ARHGAP42: variants seen among roughly 807,000 people sequenced by gnomAD.
ARHGAP42 encodes Rho GTPase activating protein 42.
A neutral mutation model predicts 125.0 loss-of-function variants in ARHGAP42; 63 were observed. The ratio of observed to expected loss-of-function variants is 0.50; its 90% CI spans 0.41 to 0.62. The LOEUF is 0.62. Among genes scored for constraint, ARHGAP42 ranks in the 20% least tolerant of loss-of-function variants. The pLI is 0.00. For missense variants in ARHGAP42, 766 were observed against 1,024.2 expected, an observed-to-expected ratio of 0.75 and a Z score of 3.44; for synonymous variants, 339 against 351.0, an observed-to-expected ratio of 0.97 and a Z score of 0.38.
intron 3 of ARHGAP42, among the ~76,000 whole-genome samples, chr11:100,815,414 A>G (rs142815605): frequency 1.2e-4 from 18 of 152,334 alleles, no homozygotes; most frequent in Non-Finnish European, 2.9e-5. Context: ...GTCTACATGC[A>G]TGGAATTTTG....
intron 4 of ARHGAP42, among the ~76,000 whole-genome samples, chr11:100,866,573 G>T (rs570880500): frequency 3.9e-5 from 6 of 152,130 alleles, no homozygotes; most frequent in Non-Finnish European, 8.8e-5. Context: ...GGTTGTGGAG[G>T]CCTCAGGAAA....
chr11:100,707,412 T>C (rs1382985585), intron 1 of ARHGAP42, among the ~76,000 whole-genome samples: 1 of 152,236 alleles, frequency 6.6e-6, no homozygotes, highest in Non-Finnish European at 1.5e-5. Flanking sequence ...TAATTATTTT[T>C]CGTAACAAAT....
chr11:100,687,762 G>A lies in ARHGAP42; in HGVS notation c.84G>A (p.Glu28=), dbSNP rs1861109882. ...AGCGCTTGCAGTGTCACGAGATTGA[G>A]CTGGAGCGAACCAACAAGTTCATCA... ...FRERLQCHEI[E]LERTNKFIKE... is the part of the protein sequence containing the mutation. Residue 28 remains glutamate (E), a synonymous_variant, in exon 1 of 24, where the codon GAG becomes GAA. Coordinates refer to ENST00000298815, the MANE Select transcript of ARHGAP42 (RefSeq NM_152432.4). 5.2e-6 allele frequency: 8 copies of A among 1,551,092 alleles called. No individual in the cohort carries two copies. The highest frequency in any genetic ancestry group is 1.2e-5 in the South Asian group (1 of 84,000).
Position 100,895,029 on chromosome 11 carries a change from A to G in ARHGAP42, c.385-18423A>G, listed in dbSNP as rs1420255343. ...CATAAAAATAACTGTTTGTGCTTTA[A>G]GTAACCAAATTCTTACCTATACTCC... On this transcript the variant is annotated intron_variant, in intron 4 of 23. Coordinates refer to ENST00000298815, the MANE Select transcript of ARHGAP42 (RefSeq NM_152432.4). Among the ~76,000 whole-genome samples the G allele has an allele frequency of 3.9e-5, 6 of 152,202 alleles. No homozygotes were observed. In the East Asian group the frequency reaches 1.2e-3, roughly 29 times the overall value.
chr11:100,691,219 A>G (rs563793395), intron 1 of ARHGAP42, among the ~76,000 whole-genome samples: 1 of 152,352 alleles, frequency 6.6e-6, no homozygotes, highest in East Asian at 1.9e-4. Context: ...TTCATCAAAT[A>G]TAATTCTTTG....
At position 100,795,175 on chromosome 11, in the gene ARHGAP42, G is replaced by A; in HGVS notation, c.312+9G>A. On this transcript the variant is annotated intron_variant, in intron 3 of 23. Transcript: ENST00000298815. ...AAGAAAGGCGAAGACTGGTAAGTCT[G>A]TTCTGTATTTCTTAAGAATATTGCT... is the stretch of plus-strand genomic sequence containing the variant. 6.6e-7 allele frequency: 1 copy of A among 1,518,774 alleles called. No individual in the cohort carries two copies. The highest frequency in any genetic ancestry group is 8.9e-7 in the Non-Finnish European group (1 of 1,129,308). The allele number at this position is 1,518,774 out of a possible 1,614,324, so 94.1% of individuals were successfully genotyped here.
intron 22 of ARHGAP42, among the ~76,000 whole-genome samples, chr11:100,987,135 GA>G (rs1004975932): frequency 4.0e-5 from 6 of 151,596 alleles, no homozygotes; most frequent in East Asian, 1.9e-4. Context: ...GAAAGTGGGG[GA>G]AAAAAAAGCT....
In ARHGAP42 at chr11:100,770,279, G is replaced by A; in HGVS notation, c.155-64G>A. 2.8e-6 allele frequency: 3 copies of A among 1,067,844 alleles called. No individual in the cohort carries two copies. In the East Asian group the frequency reaches 8.2e-5, roughly 29 times the overall value. The allele number at this position is 1,067,844 out of a possible 1,614,324, so 66.1% of individuals were successfully genotyped here. ...ATCAAAGTTATATAATTTTACATTT[G>A]GAAACTCATTCGGATTCAGTGGAAC... On this transcript the variant is annotated intron_variant, in intron 1 of 23. Coordinates refer to ENST00000298815, the MANE Select transcript of ARHGAP42 (RefSeq NM_152432.4).
chr11:100,715,691 G>A (rs1861648241), intron 1 of ARHGAP42, among the ~76,000 whole-genome samples: 1 of 151,968 alleles, frequency 6.6e-6, no homozygotes, highest in South Asian at 2.1e-4. Context: ...GAGTGATACT[G>A]GTGCATAGTA....
At chr11:100,988,124 C>T (rs901696401) in intron 23 of ARHGAP42, among the ~76,000 whole-genome samples, 2 of 152,144 alleles carry the variant, frequency 1.3e-5, no homozygotes, top group Non-Finnish European at 2.9e-5. Context: ...AAGACTCTGT[C>T]TATAAATAAA....
Position 100,765,181 on chromosome 11 carries a change from G to A in ARHGAP42, c.155-5162G>A, listed in dbSNP as rs190023251. Among the ~76,000 whole-genome samples, 84 of 152,276 alleles carry A rather than the reference G, an allele frequency of 5.5e-4. 1 individual carries two copies. In the East Asian group the frequency reaches 0.014, roughly 24 times the overall value. ...TTTATAGATATGGTTGAGTATGTACGTGGAAGCTACCCTTTGGAAGATTCT... is the reference window on the plus strand; with the variant it reads ...TTTATAGATATGGTTGAGTATGTACATGGAAGCTACCCTTTGGAAGATTCT... On this transcript the variant is annotated intron_variant, in intron 1 of 23. Transcript: ENST00000298815.
chr11:100,841,472 G>A (rs1864945981), intron 3 of ARHGAP42, among the ~76,000 whole-genome samples: 1 of 152,066 alleles, frequency 6.6e-6, no homozygotes, highest in Non-Finnish European at 1.5e-5. Flanking sequence ...GCAATGGCAT[G>A]TAGTACAAAA....
intron 1 of ARHGAP42, among the ~76,000 whole-genome samples, chr11:100,708,188 C>CTTGCATAGTACCTAGCA (rs1337617737): frequency 6.6e-6 from 1 of 152,088 alleles, no homozygotes; most frequent in Non-Finnish European, 1.5e-5. Context: ...CTTTTGTGAG[C>CTTGCATAGTACCTAGCA]TGTACCTAGC....
chr11:100,888,922 A>C (rs1266262728), intron 4 of ARHGAP42, among the ~76,000 whole-genome samples: 1 of 152,198 alleles, frequency 6.6e-6, no homozygotes, highest in East Asian at 1.9e-4. Context: ...TGCAGTTTCA[A>C]TATCACTACA....
At chr11:100,893,519 T>C (rs1439765164) in intron 4 of ARHGAP42, among the ~76,000 whole-genome samples, 1 of 152,116 alleles carries the variant, frequency 6.6e-6, no homozygotes, top group African/African-American at 2.4e-5. Flanking sequence ...GAGGCGAAAC[T>C]TAAAATCACA....
chr11:100,993,189 T>G lies in ARHGAP42; in HGVS notation c.*4388T>G, dbSNP rs1858886902. 1 of 167,850 alleles carries G rather than the reference T, an allele frequency of 6.0e-6. No homozygotes were observed. The highest frequency in any genetic ancestry group is 1.5e-5 in the Non-Finnish European group (1 of 68,714). 10.4% of individuals were successfully genotyped at this position (167,850 alleles called of 1,614,324 possible). A position where few individuals can be genotyped will look rare whatever the true frequency, so the allele number is the denominator to read the frequency against. ...CATCTTTCATGAGTGTTTCCCATGG[T>G]GTTTTTGCATCCAGAGTTGACAACA... On this transcript the variant is annotated 3_prime_UTR_variant, in exon 24 of 24. Transcript: ENST00000298815.
At chr11:100,818,910 A>C (rs1429085480) in intron 3 of ARHGAP42, among the ~76,000 whole-genome samples, 1 of 152,160 alleles carries the variant, frequency 6.6e-6, no homozygotes, top group African/African-American at 2.4e-5. Flanking sequence ...GACATAAGCA[A>C]ATGTAGGGAG....
chr11:100,794,997 T>C (rs1863674005), intron 2 of ARHGAP42, 108 bp from the exon 3 acceptor site: 1 of 775,744 alleles, frequency 1.3e-6, no homozygotes. Context: ...ATACAGAATA[T>C]ACTATATACA....
chr11:100,875,854 T>C (rs1214926944), intron 4 of ARHGAP42, among the ~76,000 whole-genome samples: 1 of 152,092 alleles, frequency 6.6e-6, no homozygotes, highest in Admixed American at 6.6e-5. Flanking sequence ...GCGGAAACTG[T>C]AGAATTCAGA....
Sources: allele counts gnomAD v4.1 joint callset (sites outside exome capture counted in the v4.1 genomes callset), GRCh38; gene constraint gnomAD v4.1.1; transcripts MANE v1.5; gene names NCBI Gene and HGNC (gene_info 2026-07-23, HGNC 2026-07-21).